The following GLT6D1 variants were observed in gnomAD, a reference collection of about 807,000 sequenced individuals.
The protein encoded by GLT6D1 is glycosyltransferase 6 domain containing 1.
Under a neutral mutation model 12.3 loss-of-function variants are expected in GLT6D1, and 9 were observed. The ratio of observed to expected loss-of-function variants is 0.73; its 90% CI spans 0.44 to 1.27. GLT6D1 has a LOEUF of 1.27. GLT6D1 is among the 50% of genes most tolerant of loss of function. GLT6D1 has a pLI of 0.00. For missense variants in GLT6D1, 335 were observed against 346.2 expected (o/e 0.97, Z 0.26); for synonymous variants, 128 against 132.3 (o/e 0.97, Z 0.23).
chr9:135,633,851 A>T (rs1833706058), intron 2 of GLT6D1, among the ~76,000 whole-genome samples: 1 of 152,194 alleles, frequency 6.6e-6, no homozygotes, highest in South Asian at 2.1e-4. Flanking sequence ...AATATCTAGA[A>T]TCAAGATCCA....
At chr9:135,629,269 T>C (rs566644336) in intron 3 of GLT6D1, among the ~76,000 whole-genome samples, 1 of 152,306 alleles carries the variant, frequency 6.6e-6, no homozygotes, top group East Asian at 1.9e-4. Flanking sequence ...TATAAATTTC[T>C]CAGTAAGCAC....
rs775248202 is a variant in GLT6D1, at chr9:135,624,484, C to G, written c.444G>C (p.Leu148=). ...GTERWWLDGP[L]VHVKSLGEHI... is the part of the protein sequence containing the mutation. ...GTTCACCCAGGCTCTTCACATGCAC[C>G]AGGGGGCCATCGAGCCACCACCTCT... Residue 148 remains leucine (L), a synonymous_variant, in exon 5 of 5, where the codon CTG becomes CTC. Coordinates refer to ENST00000371763, the MANE Select transcript of GLT6D1 (RefSeq NM_182974.3). 7 of 1,610,296 alleles carry G rather than the reference C, an allele frequency of 4.3e-6. No homozygotes were observed. In the African/African-American group the frequency reaches 8.0e-5, roughly 19 times the overall value.
In GLT6D1 at chr9:135,624,488, G is replaced by C. The variant is rs762869767; in HGVS notation, c.440C>G (p.Pro147Arg). 1.9e-6 allele frequency: 3 copies of C among 1,608,258 alleles called. No homozygotes were observed. The South Asian group carries it at 3.3e-5, about 18-fold the overall frequency. ...ACCCAGGCTCTTCACATGCACCAGG[G>C]GGCCATCGAGCCACCACCTCTCGGT... is the stretch of plus-strand genomic sequence containing the variant. ...VGTERWWLDG[P>R]LVHVKSLGEH... Residue 147 changes from proline to arginine, a missense_variant, in exon 5 of 5, where the codon CCC becomes CGC. Physicochemically the swap from Pro to Arg is moderately radical, Grantham distance 103. Coordinates refer to ENST00000371763, the MANE Select transcript of GLT6D1 (RefSeq NM_182974.3).
intron 2 of GLT6D1, among the ~76,000 whole-genome samples, chr9:135,636,835 T>C (rs1403623484): frequency 1.3e-5 from 2 of 152,190 alleles, no homozygotes; most frequent in Non-Finnish European, 2.9e-5. Flanking sequence ...TTCTAACAGC[T>C]TGATAGCTGA....
At chr9:135,628,380 C>A (rs1445650739) in intron 3 of GLT6D1, among the ~76,000 whole-genome samples, 1 of 152,004 alleles carries the variant, frequency 6.6e-6, no homozygotes. Context: ...CAGTGTATTA[C>A]ATTAATTGAT....
intron 2 of GLT6D1, among the ~76,000 whole-genome samples, chr9:135,636,901 G>A (rs1020815957): frequency 7.2e-5 from 11 of 151,946 alleles, no homozygotes; most frequent in African/African-American, 2.7e-4. Flanking sequence ...TGCCCAAGCT[G>A]GAGTGCGATG....
chr9:135,629,126 T>A (rs1833581418), intron 3 of GLT6D1, among the ~76,000 whole-genome samples: 2 of 152,214 alleles, frequency 1.3e-5, no homozygotes, highest in Admixed American at 1.3e-4. Context: ...TTTCTTAATG[T>A]ATAAATTTTC....
chr9:135,635,562 A>C (rs143922780), intron 2 of GLT6D1, among the ~76,000 whole-genome samples: 1 of 152,216 alleles, frequency 6.6e-6, no homozygotes, highest in East Asian at 1.9e-4. Flanking sequence ...ATGGTGCTAG[A>C]AACCAAGATC....
At chr9:135,639,840 C>T (rs1233014927), upstream of GLT6D1, among the ~76,000 whole-genome samples, 1 of 135,298 alleles carries the variant, frequency 7.4e-6, no homozygotes, top group Non-Finnish European at 1.6e-5. Flanking sequence ...CTCTGATTTT[C>T]ACTTTTTTTT....
chr9:135,623,937 G>T lies in GLT6D1; in HGVS notation c.*160C>A. On this transcript the variant is annotated 3_prime_UTR_variant, in exon 5 of 5. Coordinates refer to ENST00000371763, the MANE Select transcript of GLT6D1 (RefSeq NM_182974.3). ...GTCTCTAAAAAATGGAAGGTCTTAA[G>T]ACTTCCCTCATTTATAAGAAATTGC... is the stretch of plus-strand genomic sequence containing the variant. 1.7e-6 allele frequency: 1 copy of T among 577,434 alleles called. No individual in the cohort carries two copies. Among genetic ancestry groups the T allele is most frequent in the Non-Finnish European group, 3.0e-6 (1 of 328,190 alleles). 35.8% of individuals were successfully genotyped at this position (577,434 alleles called of 1,614,324 possible). A position where few individuals can be genotyped will look rare whatever the true frequency, so the allele number is the denominator to read the frequency against.
chr9:135,624,266 CCAAACGGGATG>C lies in GLT6D1; in HGVS notation c.651_661del (p.Cys217TrpfsTer18). 1.9e-6 allele frequency: 3 copies of C among 1,604,182 alleles called. No homozygotes were observed. The highest frequency in any genetic ancestry group is 1.3e-5 in the African/African-American group (1 of 74,576). On this transcript the variant is annotated frameshift_variant, in exon 5 of 5. Coordinates refer to ENST00000371763, the MANE Select transcript of GLT6D1 (RefSeq NM_182974.3). LOFTEE classifies it low-confidence loss of function (END_TRUNC). ...GTTGCCATAATAGAAATCTCCCTGT[CCAAACGGGATG>C]CAAGCTGCTGAGGTCGGCCTCCTCT...
upstream of GLT6D1, among the ~76,000 whole-genome samples, chr9:135,640,414 C>A (rs1394164020): frequency 6.6e-6 from 1 of 152,100 alleles, no homozygotes; most frequent in East Asian, 1.9e-4. Context: ...TACTAGGAAA[C>A]CGGACATTGA....
intron 2 of GLT6D1, among the ~76,000 whole-genome samples, chr9:135,633,732 T>C (rs1195086092): frequency 6.6e-6 from 1 of 152,190 alleles, no homozygotes; most frequent in East Asian, 1.9e-4. Flanking sequence ...GTTTATTTCC[T>C]AAATGGATCA....
In GLT6D1 at chr9:135,639,182, A is replaced by G. The variant is rs762693462; in HGVS notation, c.6T>C (p.Asn2=). 4.5e-6 allele frequency: 7 copies of G among 1,570,154 alleles called. No homozygotes were observed. The Admixed American group carries it at 6.7e-5, about 15-fold the overall frequency. The change falls in exon 2 of 5, where the codon AAT becomes AAC. Residue 2 remains asparagine (N), a synonymous_variant. Transcript: ENST00000371763. M[N]SKRMLLLVLF... ...AAACCAATAACAGCATTCTTTTAGAATTCATTCTCTCCTAGGGAAAGAAGG... is the reference window on the plus strand; with the variant it reads ...AAACCAATAACAGCATTCTTTTAGAGTTCATTCTCTCCTAGGGAAAGAAGG...
In GLT6D1 at chr9:135,627,703, A is replaced by C. The variant is rs76722016; in HGVS notation, c.120-1497T>G. On this transcript the variant is annotated intron_variant, in intron 3 of 4. Transcript: ENST00000371763. ...TATCTAGAGGTAGAATTGTTGGGTC[A>C]TATGGTAATTCTATGGTTAACTTTT... 3.3e-3 allele frequency among the ~76,000 whole-genome samples: 507 copies of C among 152,338 alleles called. 10 individuals carry two copies. In the East Asian group the frequency reaches 0.058, roughly 17 times the overall value.
chr9:135,626,549 T>A (rs1833524464), intron 3 of GLT6D1, among the ~76,000 whole-genome samples: 2 of 152,204 alleles, frequency 1.3e-5, no homozygotes, highest in South Asian at 4.1e-4. Flanking sequence ...AAGCTCTGAC[T>A]ACAGCTCAAA....
chr9:135,634,442 C>CTTTTTTTTTTT (rs370291630), intron 2 of GLT6D1, among the ~76,000 whole-genome samples: 9 of 54,826 alleles, frequency 1.6e-4, no homozygotes, highest in African/African-American at 2.4e-4. Context: ...TTTTCCTTTC[C>CTTTTTTTTTTT]TTTTTTTTTT....
At chr9:135,631,604 C>T in intron 2 of GLT6D1, 126 bp from the exon 3 acceptor site, 1 of 744,762 alleles carries the variant, frequency 1.3e-6, no homozygotes, top group South Asian at 1.5e-5. Context: ...CAGGGGAAGC[C>T]TCCCAGAGAA....
intron 4 of GLT6D1, among the ~76,000 whole-genome samples, chr9:135,625,272 G>A (rs1174571310): frequency 6.6e-6 from 1 of 152,136 alleles, no homozygotes; most frequent in East Asian, 1.9e-4. Flanking sequence ...AAATGGGTAT[G>A]AGTCAAAAGG....
Sources: allele counts gnomAD v4.1 joint callset (sites outside exome capture counted in the v4.1 genomes callset), GRCh38; gene constraint gnomAD v4.1.1; transcripts MANE v1.5; gene names NCBI Gene and HGNC (gene_info 2026-07-23, HGNC 2026-07-21).